RGS6: variants seen among roughly 807,000 people sequenced by gnomAD.
RGS6 encodes the protein regulator of G-protein signaling 6.
A neutral mutation model predicts 78.5 loss-of-function variants in RGS6; 30 were observed. The observed-to-expected ratio is 0.38, with a 90% confidence interval of 0.29 to 0.52. The LOEUF (loss-of-function observed/expected upper bound fraction) is 0.52. Among genes scored for constraint, RGS6 ranks in the 20% least tolerant of loss-of-function variants. The pLI, the probability that RGS6 is intolerant of heterozygous loss-of-function variation, is 0.85. For synonymous variants in RGS6, 206 were observed against 206.0 expected (o/e 1.00, Z 0.00); for missense variants, 495 against 609.7 (o/e 0.81, Z 1.98).
chr14:72,537,347 C>T (rs996286872), intron 16 of RGS6, among the ~76,000 whole-genome samples: 1 of 152,170 alleles, frequency 6.6e-6, no homozygotes, highest in African/African-American at 2.4e-5. Context: ...ATCCTGTCTG[C>T]GTATCTGGTT....
At chr14:72,056,036 A>G (rs2093603036) in intron 2 of RGS6, among the ~76,000 whole-genome samples, 1 of 152,232 alleles carries the variant, frequency 6.6e-6, no homozygotes, top group Non-Finnish European at 1.5e-5. Context: ...TTGTTTTACA[A>G]TGCGGATTTT....
intron 2 of RGS6, among the ~76,000 whole-genome samples, chr14:72,005,333 T>G (rs1490455978): frequency 6.6e-6 from 1 of 152,188 alleles, no homozygotes; most frequent in Non-Finnish European, 1.5e-5. Context: ...ATATTTATAC[T>G]TAGAAAGTAT....
the RGS6 span, among the ~76,000 whole-genome samples, chr14:71,918,730 G>C: frequency 6.6e-6 from 1 of 152,066 alleles, no homozygotes; most frequent in Non-Finnish European, 1.5e-5. Flanking sequence ...CTTCATCCCT[G>C]GTATGCAAGT....
At chr14:71,971,007 G>C (rs34328930) in intron 2 of RGS6, among the ~76,000 whole-genome samples, 2 of 152,062 alleles carry the variant, frequency 1.3e-5, no homozygotes, top group African/African-American at 4.8e-5. Flanking sequence ...TTGTGATGTC[G>C]TATACCGAGT....
chr14:71,992,661 C>A (rs979041287), intron 2 of RGS6, among the ~76,000 whole-genome samples: 1 of 152,178 alleles, frequency 6.6e-6, no homozygotes, highest in African/African-American at 2.4e-5. Flanking sequence ...TGTTTTTACG[C>A]ACGTTAGTAA....
At chr14:72,588,593 G>A in the RGS6 span, among the ~76,000 whole-genome samples, 1 of 152,234 alleles carries the variant, frequency 6.6e-6, no homozygotes, top group East Asian at 1.9e-4. Flanking sequence ...TCTGAGTAAT[G>A]AGCATTATTT....
chr14:72,208,831 T>A (rs847292), intron 2 of RGS6, among the ~76,000 whole-genome samples: 143,315 of 152,294 alleles, frequency 0.94, 67,727 homozygotes, highest in South Asian at 1. Context: ...ACATCATGTC[T>A]TTTAATCAGA....
chr14:72,036,389 T>G (rs1471994164), intron 2 of RGS6, among the ~76,000 whole-genome samples: 3 of 152,174 alleles, frequency 2.0e-5, no homozygotes, highest in Middle Eastern at 3.4e-3. Context: ...GGTACAGATA[T>G]GTTTTCATAT....
At chr14:72,107,211 A>G (rs543836035) in intron 2 of RGS6, among the ~76,000 whole-genome samples, 1 of 152,128 alleles carries the variant, frequency 6.6e-6, no homozygotes, top group Admixed American at 6.6e-5. Flanking sequence ...CTTCCCTGTC[A>G]TGTTCAGAAG....
chr14:72,390,254 C>G (rs553962096), intron 3 of RGS6, among the ~76,000 whole-genome samples: 1 of 152,120 alleles, frequency 6.6e-6, no homozygotes, highest in South Asian at 2.1e-4. Context: ...CATGCCACCA[C>G]GCCCAGTTAA....
At chr14:72,481,507 G>T (rs2283377) in intron 12 of RGS6, among the ~76,000 whole-genome samples, 1 of 152,018 alleles carries the variant, frequency 6.6e-6, no homozygotes. Flanking sequence ...TGCCTCACAC[G>T]CCATCACTAA....
At position 72,566,298 on chromosome 14, in the gene RGS6, C is replaced by T. The variant is rs899231022; in HGVS notation, c.*3831C>T. On this transcript the variant is annotated 3_prime_UTR_variant, in exon 18 of 18. Coordinates refer to ENST00000553525, the MANE Select transcript of RGS6 (RefSeq NM_001204424.2). ...GCCCTCTCCCCAGCCCCGATGAGGG[C>T]TCAGAGCCAGCTGCTGTCAGCTGTC... 2.6e-5 allele frequency: 4 copies of T among 152,228 alleles called. No homozygotes were observed. The highest frequency in any genetic ancestry group is 5.9e-5 in the Non-Finnish European group (4 of 68,076). 9.4% of individuals were successfully genotyped at this position (152,228 alleles called of 1,614,324 possible). A position where few individuals can be genotyped will look rare whatever the true frequency, so the allele number is the denominator to read the frequency against.
At chr14:72,137,799 A>C (rs2096469099) in intron 2 of RGS6, among the ~76,000 whole-genome samples, 1 of 152,152 alleles carries the variant, frequency 6.6e-6, no homozygotes, top group South Asian at 2.1e-4. Flanking sequence ...ACAAACTGAG[A>C]AGCTCTCTGA....
intron 2 of RGS6, among the ~76,000 whole-genome samples, chr14:72,058,303 G>T (rs1791627429): frequency 6.6e-6 from 1 of 152,042 alleles, no homozygotes; most frequent in African/African-American, 2.4e-5. Context: ...TTCTTTAATG[G>T]GAGTATATGC....
chr14:71,960,235 A>G (rs1349237767), intron 1 of RGS6, among the ~76,000 whole-genome samples: 3 of 152,332 alleles, frequency 2.0e-5, no homozygotes, highest in African/African-American at 7.2e-5. Flanking sequence ...TGCATAGAGC[A>G]TCCCCTTCAC....
chr14:72,416,909 G>A (rs1166286742), intron 3 of RGS6, among the ~76,000 whole-genome samples: 2 of 152,152 alleles, frequency 1.3e-5, no homozygotes, highest in African/African-American at 2.4e-5. Context: ...TATAACCATG[G>A]CATGAGGATT....
At chr14:71,991,436 T>G (rs1409878299) in intron 2 of RGS6, among the ~76,000 whole-genome samples, 1 of 152,220 alleles carries the variant, frequency 6.6e-6, no homozygotes, top group Non-Finnish European at 1.5e-5. Flanking sequence ...GAAAAATACC[T>G]TTCCGTTCTG....
chr14:72,547,098 G>C, intron 17 of RGS6: 2 of 1,409,086 alleles, frequency 1.4e-6, no homozygotes, highest in South Asian at 1.2e-5. Context: ...AGGGCCCCCC[G>C]CAGGATAAAC....
At chr14:71,999,585 G>A (rs1233421018) in intron 2 of RGS6, among the ~76,000 whole-genome samples, 1 of 131,022 alleles carries the variant, frequency 7.6e-6, no homozygotes, top group Non-Finnish European at 1.7e-5. Context: ...TGGAGGTGGG[G>A]CCTGGTGGGA....
Sources: gnomAD v4.1 joint callset for allele counts (sites outside exome capture counted in the v4.1 genomes callset) on GRCh38, gnomAD v4.1.1 for gene constraint, MANE v1.5 for transcripts, NCBI Gene and HGNC (gene_info 2026-07-23, HGNC 2026-07-21) for gene names.